CDH13: variants seen among roughly 807,000 people sequenced by gnomAD.
CDH13 encodes the protein cadherin 13.
A neutral mutation model predicts 63.8 loss-of-function variants in CDH13; 24 were observed. The observed-to-expected ratio is 0.38, with a 90% confidence interval of 0.27 to 0.53. CDH13 has a LOEUF of 0.53. CDH13 is among the 20% of genes least tolerant of loss of function. The pLI, the probability that CDH13 is intolerant of heterozygous loss-of-function variation, is 0.85. For synonymous variants in CDH13, 503 were observed against 355.3 expected (o/e 1.42, Z -4.67); for missense variants, 1,049 against 903.1 (o/e 1.16, Z -2.07).
rs1185419339 is a variant in CDH13 at position 83,798,650 on chromosome 16, A to G, written c.*3620A>G. 1 of 152,178 alleles carries G rather than the reference A, an allele frequency of 6.6e-6. No homozygotes were observed. Among genetic ancestry groups the G allele is most frequent in the African/African-American group, 2.4e-5 (1 of 41,448 alleles). 9.4% of individuals were successfully genotyped at this position (152,178 alleles called of 1,614,324 possible). A position where few individuals can be genotyped will look rare whatever the true frequency, so the allele number is the denominator to read the frequency against. ...CGACAACATCACAATGCCACTCTCA[A>G]CCCAGGAGCAAAACCAGACAAAGTG... On this transcript the variant is annotated 3_prime_UTR_variant, in exon 14 of 14. Transcript: ENST00000567109.
At chr16:83,380,577 A>G (rs972860102) in intron 6 of CDH13, among the ~76,000 whole-genome samples, 1 of 152,210 alleles carries the variant, frequency 6.6e-6, no homozygotes, top group Non-Finnish European at 1.5e-5. Flanking sequence ...AGAGGTCTGT[A>G]TAGGGCAGTC....
At chr16:83,269,540 C>T (rs2151844067) in intron 5 of CDH13, among the ~76,000 whole-genome samples, 1 of 152,222 alleles carries the variant, frequency 6.6e-6, no homozygotes, top group Middle Eastern at 3.4e-3. Flanking sequence ...GTACAGAGTG[C>T]CATGGGAACT....
intron 2 of CDH13, among the ~76,000 whole-genome samples, chr16:82,994,938 T>G (rs1912038091): frequency 1.3e-5 from 2 of 152,224 alleles, no homozygotes; most frequent in South Asian, 2.1e-4. Context: ...CTGAACTTGA[T>G]GCGGCTCCAT....
intron 1 of CDH13, among the ~76,000 whole-genome samples, chr16:82,712,172 G>A (rs35992552): frequency 0.097 from 14,784 of 151,922 alleles, 1,009 homozygotes; most frequent in East Asian, 0.39. Flanking sequence ...CAGACTTAAC[G>A]CCATTATCTC....
In CDH13 at chr16:82,970,382, CTTTTTTTTTTTTTTTTT is replaced by C. The variant is rs558393653; in HGVS notation, c.158-61616_158-61600del. 1.1e-3 allele frequency among the ~76,000 whole-genome samples: 83 copies of C among 76,760 alleles called. 3 individuals carry two copies. Among genetic ancestry groups the C allele is most frequent in the African/African-American group, 4.1e-3 (77 of 18,958 alleles). The allele number at this position is 76,760 out of a possible 152,430, so 50.4% of individuals were successfully genotyped here. ...TTTGCTATTGTGAACAGTGCATATT[CTTTTTTTTTTTTTTTTT>C]TTTTTTTTTTTGAGACGGAGTCTCG... On this transcript the variant is annotated intron_variant, in intron 2 of 13. Coordinates refer to ENST00000567109, the MANE Select transcript of CDH13 (RefSeq NM_001257.5).
intron 2 of CDH13, chr16:82,884,345 C>G: frequency 2.6e-6 from 1 of 381,948 alleles, no homozygotes; most frequent in Non-Finnish European, 5.1e-6. Context: ...TAGAAGAGAG[C>G]TTGGGATTCA....
chr16:83,370,924 A>C (rs1405977845), intron 6 of CDH13, among the ~76,000 whole-genome samples: 1 of 152,210 alleles, frequency 6.6e-6, no homozygotes, highest in Admixed American at 6.5e-5. Context: ...ATAGTGCTGC[A>C]GTGAAAAAAT....
intron 1 of CDH13, among the ~76,000 whole-genome samples, chr16:82,630,569 C>T (rs1452027380): frequency 1.3e-5 from 2 of 152,146 alleles, no homozygotes; most frequent in Non-Finnish European, 2.9e-5. Flanking sequence ...AATTGCCCAA[C>T]AAACCAACAT....
intron 2 of CDH13, among the ~76,000 whole-genome samples, chr16:82,958,727 A>G (rs1194907723): frequency 1.3e-5 from 2 of 152,244 alleles, no homozygotes; most frequent in African/African-American, 4.8e-5. Context: ...CGCAGGTCAC[A>G]GGCTCCATTG....
At chr16:82,727,478 G>C (rs1263183665) in intron 1 of CDH13, 1 of 152,132 alleles carries the variant, frequency 6.6e-6, no homozygotes, top group East Asian at 1.9e-4. Context: ...CTACCCAGGA[G>C]AATATTCAGG....
At chr16:83,168,222 A>AAATG (rs2037768053) in intron 4 of CDH13, among the ~76,000 whole-genome samples, 1 of 152,078 alleles carries the variant, frequency 6.6e-6, no homozygotes, top group African/African-American at 2.4e-5. Flanking sequence ...ATAAATAAAT[A>AAATG]AATGTGGTGC....
At chr16:83,175,700 C>T (rs563271448) in intron 4 of CDH13, among the ~76,000 whole-genome samples, 6 of 152,196 alleles carry the variant, frequency 3.9e-5, no homozygotes, top group African/African-American at 1.4e-4. Flanking sequence ...CTTACTCTGG[C>T]AGCCAGATGA....
intron 10 of CDH13, among the ~76,000 whole-genome samples, chr16:83,739,557 G>T (rs147695223): frequency 2.8e-4 from 42 of 152,090 alleles, no homozygotes; most frequent in Non-Finnish European, 4.9e-4. Flanking sequence ...GGGACCCCCA[G>T]CACACAAACC....
At chr16:82,735,257 C>A (rs1030499441) in intron 1 of CDH13, among the ~76,000 whole-genome samples, 2 of 152,180 alleles carry the variant, frequency 1.3e-5, no homozygotes, top group Admixed American at 6.5e-5. Flanking sequence ...TCATCATTTT[C>A]CAGGGTGTAC....
At chr16:83,260,638 A>G (rs8059870) in intron 5 of CDH13, among the ~76,000 whole-genome samples, 27,485 of 152,140 alleles carry the variant, frequency 0.18, 2,641 homozygotes, top group East Asian at 0.24. Context: ...AAAGTGCGTT[A>G]GGCCATACAC....
chr16:82,885,872 T>C (rs1461765142), intron 2 of CDH13, among the ~76,000 whole-genome samples: 2 of 152,160 alleles, frequency 1.3e-5, no homozygotes, highest in Non-Finnish European at 2.9e-5. Flanking sequence ...GATTTAATGA[T>C]ATAATCCATA....
At position 83,166,066 on chromosome 16, in the gene CDH13, A is replaced by T. The variant is rs566144911; in HGVS notation, c.483+40565A>T. ...AAAGATAGAACCTTCCTCAGTCAGA[A>T]AGCATTTTGCCATTAGCAGCAGGCA... On this transcript the variant is annotated intron_variant, in intron 4 of 13. Coordinates refer to ENST00000567109, the MANE Select transcript of CDH13 (RefSeq NM_001257.5). Among the ~76,000 whole-genome samples, 44 of 152,236 alleles carry T rather than the reference A, an allele frequency of 2.9e-4. 1 individual carries two copies. The highest frequency in any genetic ancestry group is 9.6e-4 in the African/African-American group (40 of 41,576).
At chr16:83,035,557 A>G (rs1916771497) in intron 3 of CDH13, among the ~76,000 whole-genome samples, 1 of 152,166 alleles carries the variant, frequency 6.6e-6, no homozygotes, top group African/African-American at 2.4e-5. Flanking sequence ...GACATTTCCA[A>G]GGTCTAAAAA....
chr16:82,936,056 G>A (rs1001110491), intron 2 of CDH13, among the ~76,000 whole-genome samples: 1 of 152,056 alleles, frequency 6.6e-6, no homozygotes. Flanking sequence ...CTAATCTTAT[G>A]CAAATGGGCT....
Sources: allele counts gnomAD v4.1 joint callset (sites outside exome capture counted in the v4.1 genomes callset), GRCh38; gene constraint gnomAD v4.1.1; transcripts MANE v1.5; gene names NCBI Gene and HGNC (gene_info 2026-07-23, HGNC 2026-07-21).